Variants in AKAP13 observed in about 807,000 individuals in gnomAD.
The protein encoded by AKAP13 is A-kinase anchoring protein 13, also known as A-kinase anchor protein 13.
In AKAP13, 80 loss-of-function variants were observed where a neutral mutation model predicts 264.5. That is an observed-to-expected ratio of 0.30 (90% confidence interval 0.25 to 0.36). The LOEUF is 0.36. AKAP13 is among the 10% of genes least tolerant of loss of function. The pLI is 1.00. For synonymous variants in AKAP13, 1,380 were observed against 1,250.2 expected (o/e 1.10, Z -2.19); for missense variants, 3,712 against 3,435.2 (o/e 1.08, Z -2.01).
At chr15:85,618,100 T>C (rs2081021839) in intron 8 of AKAP13, among the ~76,000 whole-genome samples, 1 of 152,204 alleles carries the variant, frequency 6.6e-6, no homozygotes, top group South Asian at 2.1e-4. Context: ...CCTTATGGCT[T>C]TTATTTCAGA....
At chr15:85,590,819 C>T (rs1297407371) in intron 8 of AKAP13, among the ~76,000 whole-genome samples, 1 of 152,148 alleles carries the variant, frequency 6.6e-6, no homozygotes, top group Non-Finnish European at 1.5e-5. Flanking sequence ...CTTTCGTTGT[C>T]ATCTTTTTTT....
At chr15:85,634,319 T>G (rs888457071) in intron 8 of AKAP13, among the ~76,000 whole-genome samples, 2 of 152,238 alleles carry the variant, frequency 1.3e-5, no homozygotes, top group Admixed American at 6.5e-5. Flanking sequence ...GAGTTTAAGA[T>G]TCTCACTAAA....
chr15:85,639,169 T>G (rs1277937818), intron 8 of AKAP13, among the ~76,000 whole-genome samples: 1 of 152,220 alleles, frequency 6.6e-6, no homozygotes, highest in African/African-American at 2.4e-5. Flanking sequence ...ATGCCTAATT[T>G]TTATTGACAA....
Position 85,514,872 on chromosome 15 carries a change from C to T in AKAP13, c.34-6556C>T, listed in dbSNP as rs1306617022. On this transcript the variant is annotated intron_variant, in intron 2 of 36. Transcript: ENST00000394518. ...TTTTTTTTTGGTACTGTAATAATTG[C>T]CACCTCATGGAAAGGTAATACCCTG... 7.5e-5 allele frequency among the ~76,000 whole-genome samples: 10 copies of T among 133,796 alleles called. 2 individuals are homozygous for T. The highest frequency in any genetic ancestry group is 3.1e-4 in the African/African-American group (10 of 32,754). The allele number at this position is 133,796 out of a possible 152,430, so 87.8% of individuals were successfully genotyped here. A position where few individuals can be genotyped will look rare whatever the true frequency, so the allele number is the denominator to read the frequency against.
Position 85,475,686 on chromosome 15 carries a change from G to GCAGAATT in AKAP13, c.-11-10021_-11-10015dup, listed in dbSNP as rs1422321806. Among the ~76,000 whole-genome samples the GCAGAATT allele has an allele frequency of 2.3e-4, 35 of 152,182 alleles. 1 individual carries two copies. The highest frequency in any genetic ancestry group is 6.5e-5 in the Admixed American group (1 of 15,282). On this transcript the variant is annotated intron_variant, in intron 1 of 36. Transcript: ENST00000394518. ...TTCAGGCTGGATTGCTTAACACTTAGCAGAATTCATGCTGCCTTTAATGAG... is the reference window on the plus strand; with the variant it reads ...TTCAGGCTGGATTGCTTAACACTTAGCAGAATTCAGAATTCATGCTGCCTTTAATGAG...
chr15:85,403,346 A>G (rs1439512784), intron 1 of AKAP13, among the ~76,000 whole-genome samples: 2 of 152,192 alleles, frequency 1.3e-5, no homozygotes, highest in East Asian at 1.9e-4. Flanking sequence ...GAAATTGGGC[A>G]TTTTTTTCTT....
chr15:85,607,136 C>A (rs2080389581), intron 8 of AKAP13, among the ~76,000 whole-genome samples: 1 of 149,200 alleles, frequency 6.7e-6, no homozygotes, highest in Admixed American at 6.7e-5. Context: ...TAAAGAAGTA[C>A]TTCTTTGTAA....
In AKAP13 at chr15:85,721,906, T is replaced by C. The variant is rs539996546; in HGVS notation, c.6253-85T>C. The C allele has an allele frequency of 2.1e-5, 33 of 1,569,106 alleles. No individual in the cohort carries two copies. The East Asian group carries it at 5.6e-4, about 27-fold the overall frequency. On this transcript the variant is annotated intron_variant, in intron 23 of 36. Coordinates refer to ENST00000394518, the MANE Select transcript of AKAP13 (RefSeq NM_007200.5). ...ATTTATGAGGAAGCGCTCTTGACTTTTACAACTAGACTGGAAACATTTTAC... is the reference window on the plus strand; with the variant it reads ...ATTTATGAGGAAGCGCTCTTGACTTCTACAACTAGACTGGAAACATTTTAC...
At chr15:85,517,632 AC>A (rs1191667259) in intron 2 of AKAP13, among the ~76,000 whole-genome samples, 3 of 152,210 alleles carry the variant, frequency 2.0e-5, no homozygotes, top group African/African-American at 4.8e-5. Context: ...GACCATGGCT[AC>A]CATTTAAAAC....
At chr15:85,731,039 C>G (rs995429118) in intron 30 of AKAP13, among the ~76,000 whole-genome samples, 7 of 112,562 alleles carry the variant, frequency 6.2e-5, no homozygotes, top group African/African-American at 2.4e-4. Context: ...TCTTGCTGCT[C>G]TGTTTCCCAG....
Position 85,581,324 on chromosome 15 carries a change from G to C in AKAP13, c.3256G>C (p.Asp1086His), listed in dbSNP as rs4843075. Reference sequence around the variant, plus strand: ...AACTAGTGCCTGTGAGGTGAGTGGAGATGTGACGGTGGATGTTACAGGGGT... The same window carrying C: ...AACTAGTGCCTGTGAGGTGAGTGGACATGTGACGGTGGATGTTACAGGGGT... Reference protein sequence around the residue: ...GKTSACEVSGDVTVDVTGVNA... With the variant: ...GKTSACEVSGHVTVDVTGVNA... The change falls in exon 7 of 37, where the codon GAT becomes CAT. Residue 1086 changes from aspartate (D) to histidine (H), a missense_variant. Physicochemically the swap from Asp to His is moderately conservative, Grantham distance 81. Coordinates refer to ENST00000394518, the MANE Select transcript of AKAP13 (RefSeq NM_007200.5). 6.2e-7 allele frequency: 1 copy of C among 1,613,888 alleles called. No individual in the cohort carries two copies.
intron 13 of AKAP13, among the ~76,000 whole-genome samples, chr15:85,667,007 T>C (rs558982128): frequency 6.6e-6 from 1 of 152,328 alleles, no homozygotes; most frequent in South Asian, 2.1e-4. Flanking sequence ...CTGGGATGCA[T>C]CTTATTTCCT....
At chr15:85,546,978 G>T (rs766522144) in intron 5 of AKAP13, among the ~76,000 whole-genome samples, 56 of 152,008 alleles carry the variant, frequency 3.7e-4, no homozygotes, top group Non-Finnish European at 6.9e-4. Context: ...TTCTGACCTC[G>T]TGATCCACCC....
chr15:85,641,590 A>C (rs918876118), intron 9 of AKAP13, among the ~76,000 whole-genome samples: 6 of 151,648 alleles, frequency 4.0e-5, no homozygotes, highest in Non-Finnish European at 7.4e-5. Flanking sequence ...GGTTCACACC[A>C]TTCTCCTGCC....
chr15:85,631,483 TTC>T (rs144246285), intron 8 of AKAP13, among the ~76,000 whole-genome samples: 1,327 of 120,256 alleles, frequency 0.011, 12 homozygotes, highest in African/African-American at 0.017. Context: ...CACACACACT[TTC>T]TCTCTCTCTC....
chr15:85,602,877 C>A (rs2080154564), intron 8 of AKAP13, among the ~76,000 whole-genome samples: 1 of 152,204 alleles, frequency 6.6e-6, no homozygotes, highest in Non-Finnish European at 1.5e-5. Context: ...CTGAGTAATA[C>A]AACTCTTCCA....
chr15:85,399,535 A>AAAAAAAT lies in AKAP13; in HGVS notation c.-12+18740_-12+18741insAAATAAA, dbSNP rs1567038735. ...AAAAAAAAAAAAATAAAAAAATAAA[A>AAAAAAAT]AAATAAATAAATAAATAAATAAAGT... On this transcript the variant is annotated intron_variant, in intron 1 of 36. Transcript: ENST00000394518. 5.5e-4 allele frequency among the ~76,000 whole-genome samples: 58 copies of AAAAAAAT among 105,590 alleles called. 1 individual carries two copies. The highest frequency in any genetic ancestry group is 1.7e-3 in the African/African-American group (42 of 24,588). 69.3% of individuals were successfully genotyped at this position (105,590 alleles called of 152,430 possible).
intron 30 of AKAP13, among the ~76,000 whole-genome samples, chr15:85,731,073 C>T (rs182107038): frequency 1.3e-4 from 18 of 140,634 alleles, no homozygotes; most frequent in African/African-American, 4.0e-4. Flanking sequence ...GGTGCAACCT[C>T]GGCTCACTGC....
chr15:85,439,503 G>A lies in AKAP13; in HGVS notation c.-11-46207G>A, dbSNP rs562365341. On this transcript the variant is annotated intron_variant, in intron 1 of 36. Coordinates refer to ENST00000394518, the MANE Select transcript of AKAP13 (RefSeq NM_007200.5). ...CCAAATGACTATAAATCATGCTGCT[G>A]TAAAGACACATGCACACGTATGTTT... 1.7e-4 allele frequency among the ~76,000 whole-genome samples: 26 copies of A among 151,586 alleles called. No individual in the cohort carries two copies. In the East Asian group the frequency reaches 2.3e-3, roughly 14 times the overall value.
Sources: gnomAD v4.1 joint callset for allele counts (sites outside exome capture counted in the v4.1 genomes callset) on GRCh38, gnomAD v4.1.1 for gene constraint, MANE v1.5 for transcripts, NCBI Gene and HGNC (gene_info 2026-07-23, HGNC 2026-07-21) for gene names.